SYT1: variants seen among roughly 807,000 people sequenced by gnomAD.
The protein encoded by SYT1 is synaptotagmin-1.
SYT1 carries 8 observed loss-of-function variants against 44.8 expected under a neutral mutation model. That is an observed-to-expected ratio of 0.18 (90% CI 0.10 to 0.32). The LOEUF (loss-of-function observed/expected upper bound fraction) is 0.32, where lower values mean the gene tolerates loss of function less well. Among genes scored for constraint, SYT1 ranks in the 10% least tolerant of loss-of-function variants. SYT1 has a pLI of 1.00. For synonymous variants in SYT1, 154 were observed against 188.8 expected (o/e 0.82, Z 1.51); for missense variants, 286 against 509.3 (o/e 0.56, Z 4.22).
chr12:79,366,930 G>GT (rs1329771096), intron 9 of SYT1, among the ~76,000 whole-genome samples: 1 of 150,798 alleles, frequency 6.6e-6, no homozygotes, highest in African/African-American at 2.4e-5. Context: ...GTGTGTGTGT[G>GT]TGTGTGTGTG....
chr12:79,179,261 GATAT>G (rs1328888713), intron 3 of SYT1, among the ~76,000 whole-genome samples: 2 of 84,794 alleles, frequency 2.4e-5, no homozygotes, highest in African/African-American at 9.9e-5. Context: ...TATAGATATA[GATAT>G]ATAGATATAG....
intron 3 of SYT1, among the ~76,000 whole-genome samples, chr12:79,114,562 C>T (rs947484013): frequency 1.3e-5 from 2 of 152,186 alleles, no homozygotes; most frequent in African/African-American, 2.4e-5. Context: ...AGTGCTTTAC[C>T]TCTGGGGTTT....
At chr12:79,394,240 C>T (rs1441397788) in intron 9 of SYT1, among the ~76,000 whole-genome samples, 4 of 152,154 alleles carry the variant, frequency 2.6e-5, no homozygotes, top group South Asian at 2.1e-4. Flanking sequence ...GGTATGTAGC[C>T]GGGTATTAAC....
At chr12:79,433,870 G>A (rs927810354) in intron 9 of SYT1, among the ~76,000 whole-genome samples, 1 of 152,166 alleles carries the variant, frequency 6.6e-6, no homozygotes, top group Non-Finnish European at 1.5e-5. Context: ...TAAGGGTGGT[G>A]CTCCAACCCT....
chr12:79,370,911 T>C (rs1054145865), intron 9 of SYT1, among the ~76,000 whole-genome samples: 5 of 152,168 alleles, frequency 3.3e-5, no homozygotes, highest in African/African-American at 1.2e-4. Context: ...TAAAAGATCA[T>C]GCCCAGCCTA....
At chr12:78,880,683 A>C (rs968439291) in intron 1 of SYT1, among the ~76,000 whole-genome samples, 2 of 151,654 alleles carry the variant, frequency 1.3e-5, no homozygotes, top group Admixed American at 1.3e-4. Context: ...CAGTCTTAAC[A>C]ATTTGCATAG....
At chr12:79,256,357 G>C (rs971057094) in intron 4 of SYT1, among the ~76,000 whole-genome samples, 1 of 152,190 alleles carries the variant, frequency 6.6e-6, no homozygotes, top group Admixed American at 6.5e-5. Context: ...GGAATCTCAG[G>C]CTTTGTTGGC....
chr12:79,247,178 T>G (rs946371230), intron 4 of SYT1, among the ~76,000 whole-genome samples: 5 of 152,206 alleles, frequency 3.3e-5, no homozygotes, highest in Non-Finnish European at 5.9e-5. Flanking sequence ...GTATGGTTTT[T>G]ATAGAGCAGA....
At chr12:79,255,586 C>T (rs561554703) in intron 4 of SYT1, among the ~76,000 whole-genome samples, 7 of 152,128 alleles carry the variant, frequency 4.6e-5, no homozygotes, top group African/African-American at 1.7e-4. Flanking sequence ...GGAAAGGAAC[C>T]TACTATTCTT....
At chr12:79,282,265 T>C (rs1038162907) in intron 4 of SYT1, among the ~76,000 whole-genome samples, 2 of 152,194 alleles carry the variant, frequency 1.3e-5, no homozygotes, top group African/African-American at 4.8e-5. Flanking sequence ...GAGGGGCCAT[T>C]ATCATGTCTA....
At chr12:79,171,799 G>A (rs1871540692) in intron 3 of SYT1, among the ~76,000 whole-genome samples, 1 of 152,048 alleles carries the variant, frequency 6.6e-6, no homozygotes, top group East Asian at 1.9e-4. Flanking sequence ...CCAAACCTCA[G>A]TCTCCTCAGC....
intron 9 of SYT1, among the ~76,000 whole-genome samples, chr12:79,417,061 G>T (rs774516416): frequency 6.6e-6 from 1 of 152,068 alleles, no homozygotes; most frequent in African/African-American, 2.4e-5. Flanking sequence ...TGTATCAATT[G>T]TCAGTTATCA....
chr12:78,895,077 A>C (rs1592533066), intron 1 of SYT1, among the ~76,000 whole-genome samples: 1 of 151,664 alleles, frequency 6.6e-6, no homozygotes, highest in South Asian at 2.1e-4. Flanking sequence ...TTAAAAACTA[A>C]AAAAAATTGT....
intron 3 of SYT1, among the ~76,000 whole-genome samples, chr12:79,163,314 G>A (rs1022690695): frequency 6.6e-6 from 1 of 152,006 alleles, no homozygotes; most frequent in African/African-American, 2.4e-5. Flanking sequence ...TTCTCTTCCT[G>A]TTCCTCTGTT....
chr12:79,130,403 ACT>A (rs1868733615), intron 3 of SYT1, among the ~76,000 whole-genome samples: 1 of 152,024 alleles, frequency 6.6e-6, no homozygotes, highest in African/African-American at 2.4e-5. Context: ...CCATCTCTAA[ACT>A]CTCTGAGTCT....
At chr12:79,416,642 G>A (rs11612225) in intron 9 of SYT1, among the ~76,000 whole-genome samples, 20,882 of 152,062 alleles carry the variant, frequency 0.14, 1,863 homozygotes, top group Middle Eastern at 0.34. Flanking sequence ...TACATAATTT[G>A]TATTGTTGAT....
At chr12:79,061,568 T>C (rs963022825) in intron 3 of SYT1, among the ~76,000 whole-genome samples, 2 of 152,136 alleles carry the variant, frequency 1.3e-5, no homozygotes, top group Non-Finnish European at 2.9e-5. Flanking sequence ...TGGGACAGTC[T>C]CCACCCTGGA....
At chr12:79,148,119 G>T (rs1217586021) in intron 3 of SYT1, among the ~76,000 whole-genome samples, 1 of 152,084 alleles carries the variant, frequency 6.6e-6, no homozygotes, top group Non-Finnish European at 1.5e-5. Context: ...GTGCTGTGTG[G>T]GCAAAATTGG....
intron 4 of SYT1, among the ~76,000 whole-genome samples, chr12:79,258,136 AAGTC>A (rs1877633146): frequency 1.3e-5 from 2 of 152,242 alleles, no homozygotes; most frequent in African/African-American, 4.8e-5. Context: ...TCTCAGAAGA[AAGTC>A]AGCTAAAGTA....
Sources: allele counts gnomAD v4.1 joint callset (sites outside exome capture counted in the v4.1 genomes callset), GRCh38; gene constraint gnomAD v4.1.1; transcripts MANE v1.5; gene names NCBI Gene and HGNC (gene_info 2026-07-23, HGNC 2026-07-21).